The following PABIR3 variants were observed in gnomAD, a reference collection of about 807,000 sequenced individuals.
The protein encoded by PABIR3 is PABIR family member 1.
In PABIR3, 20 loss-of-function variants were observed where a neutral mutation model predicts 23.1. The observed-to-expected ratio is 0.86, with a 90% CI of 0.61 to 1.26. The LOEUF (loss-of-function observed/expected upper bound fraction) is 1.26, where lower values mean the gene tolerates loss of function less well. PABIR3 is among the 50% of genes most tolerant of loss of function. PABIR3 has a pLI of 0.00. For missense variants in PABIR3, 189 were observed against 195.4 expected (o/e 0.97, Z 0.20); for synonymous variants, 69 against 68.5 (o/e 1.01, Z -0.04).
At chrX:134,855,500 A>C (rs1317799810), downstream of PABIR3, among the ~76,000 whole-genome samples, 1 of 112,026 alleles carries the variant, frequency 8.9e-6, no homozygotes, top group Admixed American at 9.6e-5. Flanking sequence ...CATTTTGAAA[A>C]ATAGAAACAT....
intron 4 of PABIR3, among the ~76,000 whole-genome samples, chrX:134,829,715 T>G (rs1269163427): frequency 2.7e-5 from 3 of 111,971 alleles, no homozygotes; most frequent in Non-Finnish European, 5.6e-5. Flanking sequence ...GTTTATATTT[T>G]GTGCCCATGT....
intron 4 of PABIR3, among the ~76,000 whole-genome samples, chrX:134,840,176 T>G (rs1450421640): frequency 1.8e-5 from 2 of 109,893 alleles, no homozygotes; most frequent in Non-Finnish European, 3.8e-5. Flanking sequence ...TCGTTAAGAG[T>G]CATCACCACT....
intron 2 of PABIR3, chrX:134,811,051 C>T: frequency 1.3e-6 from 1 of 754,147 alleles, no homozygotes; most frequent in South Asian, 6.7e-5. Context: ...CCCTCTTGCA[C>T]CAGCATTTGC....
chrX:134,858,209 A>G (rs2082758476), downstream of PABIR3, among the ~76,000 whole-genome samples: 1 of 111,980 alleles, frequency 8.9e-6, no homozygotes. Context: ...GAAATCTTGT[A>G]AGAATGAATG....
intron 4 of PABIR3, among the ~76,000 whole-genome samples, chrX:134,843,338 C>G (rs1002310429): frequency 9.2e-6 from 1 of 109,122 alleles, no homozygotes; most frequent in African/African-American, 3.3e-5. Context: ...ATGTTATCTT[C>G]TAAGAGATTT....
At chrX:134,836,908 A>G (rs2081991779) in intron 4 of PABIR3, among the ~76,000 whole-genome samples, 1 of 111,615 alleles carries the variant, frequency 9.0e-6, no homozygotes. Flanking sequence ...GTAAAAATCA[A>G]TAAGAAGAAA....
At chrX:134,831,832 T>C (rs2081794424) in intron 4 of PABIR3, among the ~76,000 whole-genome samples, 1 of 111,380 alleles carries the variant, frequency 9.0e-6, no homozygotes, top group Non-Finnish European at 1.9e-5. Context: ...AAATACTGAG[T>C]CTTATTTGTT....
intron 2 of PABIR3, 68 bp from the exon 3 acceptor site, chrX:134,814,703 C>CAAA (rs201263798): frequency 2.2e-4 from 140 of 632,433 alleles, no homozygotes; most frequent in East Asian, 5.3e-4. Flanking sequence ...GACTCCGTCT[C>CAAA]AAAAAAAAAA....
At chrX:134,861,887 C>A in the PABIR3 span, among the ~76,000 whole-genome samples, 1 of 110,253 alleles carries the variant, frequency 9.1e-6, no homozygotes, top group South Asian at 3.8e-4. Context: ...TGGTATGAAG[C>A]ATTTTCAAAC....
chrX:134,800,587 C>G (rs112654361), intron 1 of PABIR3, among the ~76,000 whole-genome samples: 4 of 111,119 alleles, frequency 3.6e-5, no homozygotes, highest in Non-Finnish European at 5.7e-5. Flanking sequence ...GTCAAGAGAT[C>G]GAGACCATCC....
intron 3 of PABIR3, chrX:134,821,721 C>G (rs2081305713): frequency 1.0e-6 from 1 of 974,702 alleles, no homozygotes; most frequent in African/African-American, 2.0e-5. Flanking sequence ...TAATACATTC[C>G]TGATCCTGCT....
the PABIR3 span, among the ~76,000 whole-genome samples, chrX:134,863,500 G>A: frequency 9.0e-6 from 1 of 111,331 alleles, no homozygotes; most frequent in Non-Finnish European, 1.9e-5. Context: ...CAAGGAATTT[G>A]AAGAATCTCT....
chrX:134,796,489 AAAG>A (rs1240911104), upstream of PABIR3: 1 of 284,784 alleles, frequency 3.5e-6, no homozygotes, highest in Non-Finnish European at 6.3e-6. Flanking sequence ...AGGATGAAGG[AAAG>A]AAGGATGGAG....
chrX:134,816,446 G>C, intron 3 of PABIR3, among the ~76,000 whole-genome samples: 1 of 111,840 alleles, frequency 8.9e-6, no homozygotes, highest in Non-Finnish European at 1.9e-5. Flanking sequence ...TCAGCCTCCT[G>C]AGTAGCTGGG....
chrX:134,854,793 A>G lies in PABIR3; in HGVS notation c.*576A>G, dbSNP rs1357644859. On this transcript the variant is annotated 3_prime_UTR_variant, in exon 11 of 11. Transcript: ENST00000645433. The stretch of plus-strand genomic sequence containing the variant: ...TTTGTTGGGAAGCAGTAGGTAGGAG[A>G]AGAGCAAGACAAATTAAAGTTAATT... The G allele has an allele frequency of 8.9e-6, 1 of 112,211 alleles. No homozygotes were observed. Among genetic ancestry groups the G allele is most frequent in the Non-Finnish European group, 1.9e-5 (1 of 53,284 alleles). 9.2% of individuals were successfully genotyped at this position (112,211 alleles called of 1,213,427 possible).
At chrX:134,805,163 G>T (rs2080175729), upstream of PABIR3, among the ~76,000 whole-genome samples, 1 of 111,988 alleles carries the variant, frequency 8.9e-6, no homozygotes, top group African/African-American at 3.2e-5. Flanking sequence ...AAGGGCAGAG[G>T]AATCTTGGCT....
intron 3 of PABIR3, among the ~76,000 whole-genome samples, chrX:134,828,047 C>CTCTCTATA (rs1466733144): frequency 8.7e-4 from 43 of 49,407 alleles, no homozygotes; most frequent in Admixed American, 1.4e-3. Context: ...CTCTCTCTCT[C>CTCTCTATA]TATATATATA....
At chrX:134,847,353 A>ACAATTGTAGCAC in intron 6 of PABIR3, 30 bp from the exon 7 acceptor site, 5 of 1,083,611 alleles carry the variant, frequency 4.6e-6, no homozygotes, top group South Asian at 1.9e-5. Context: ...AATTGGTGCT[A>ACAATTGTAGCAC]CAATTGTACA....
chrX:134,863,471 G>A, the PABIR3 span, among the ~76,000 whole-genome samples: 2 of 111,171 alleles, frequency 1.8e-5, no homozygotes, highest in East Asian at 2.8e-4. Flanking sequence ...GGAAGGCAAA[G>A]GATTCTCTGT....
Sources: allele counts gnomAD v4.1 joint callset (sites outside exome capture counted in the v4.1 genomes callset), GRCh38; gene constraint gnomAD v4.1.1; transcripts MANE v1.5; gene names NCBI Gene and HGNC (gene_info 2026-07-23, HGNC 2026-07-21).